Variants in LTB4R observed in about 807,000 individuals in gnomAD.
LTB4R encodes leukotriene B4 receptor.
For missense variants in LTB4R, 470 were observed against 485.6 expected (o/e 0.97, Z 0.30); for synonymous variants, 250 against 230.7 (o/e 1.08, Z -0.76).
chr14:24,316,385 C>T lies in LTB4R; in HGVS notation c.734C>T (p.Ala245Val), dbSNP rs1478353966. ...LPYHVVNLAE[A>V]GRALAGQAAG... ...TACCACGTGGTGAACCTGGCTGAGG[C>T]GGGCCGCGCGCTGGCCGGCCAGGCC... Residue 245 changes from alanine (A) to valine (V), a missense_variant, in exon 2 of 2, where the codon GCG (alanine) becomes GTG (valine). By Grantham distance (64) the Ala-to-Val change is moderately conservative. Coordinates refer to ENST00000345363, the MANE Select transcript of LTB4R (RefSeq NM_001143919.3). 1 of 1,587,884 alleles carries T rather than the reference C, an allele frequency of 6.3e-7. No homozygotes were observed. Among genetic ancestry groups the T allele is most frequent in the African/African-American group, 1.3e-5 (1 of 74,580 alleles).
chr14:24,316,131 C>T lies in LTB4R; in HGVS notation c.480C>T (p.Pro160=). The change falls in exon 2 of 2, where the codon CCC becomes CCT. Residue 160 remains proline (P), a synonymous_variant. Transcript: ENST00000345363. ...TPVLAYRTVV[P]WKTNMSLCFP... is the part of the protein sequence containing the mutation. ...TCCTCGCGTACCGCACAGTAGTGCC[C>T]TGGAAAACGAACATGAGCCTGTGCT... 6.2e-7 allele frequency: 1 copy of T among 1,613,880 alleles called. No individual in the cohort carries two copies. The highest frequency in any genetic ancestry group is 8.5e-7 in the Non-Finnish European group (1 of 1,180,044).
chr14:24,312,893 CGGTTTCCCAACAAACTGAGAT>C (rs1555314484), intron 1 of LTB4R, among the ~76,000 whole-genome samples: 16 of 152,256 alleles, frequency 1.1e-4, no homozygotes, highest in Admixed American at 6.5e-5. Context: ...CCAGCCCTGC[CGGTTTCCCAACAAACTGAGAT>C]GGTTGGCCGC....
At position 24,316,802 on chromosome 14, in the gene LTB4R, T is replaced by C; in HGVS notation, c.*92T>C. On this transcript the variant is annotated 3_prime_UTR_variant, in exon 2 of 2. Transcript: ENST00000345363. ...AGGAGGAGCAGGGGCGTGGAGGGCG[T>C]GGAGGGCGTGGGAGCGTGGGAGGCG... 1 of 1,078,902 alleles carries C rather than the reference T, an allele frequency of 9.3e-7. No individual in the cohort carries two copies. The highest frequency in any genetic ancestry group is 1.2e-6 in the Non-Finnish European group (1 of 800,930). 66.8% of individuals were successfully genotyped at this position (1,078,902 alleles called of 1,614,324 possible). A position where few individuals can be genotyped will look rare whatever the true frequency, so the allele number is the denominator to read the frequency against.
intron 1 of LTB4R, 63 bp downstream of exon 1, chr14:24,311,867 AT>A: frequency 1.1e-6 from 1 of 890,550 alleles, no homozygotes; most frequent in Non-Finnish European, 1.7e-6. Context: ...GCTGGGTAGG[AT>A]TACTATACAC....
At position 24,317,554 on chromosome 14, in the gene LTB4R, C is replaced by A. The variant is rs965458520; in HGVS notation, c.*844C>A. 5 of 167,028 alleles carry A rather than the reference C, an allele frequency of 3.0e-5. No homozygotes were observed. Among genetic ancestry groups the A allele is most frequent in the Non-Finnish European group, 7.3e-5 (5 of 68,104 alleles). The allele number at this position is 167,028 out of a possible 1,614,324, so 10.3% of individuals were successfully genotyped here. On this transcript the variant is annotated 3_prime_UTR_variant, in exon 2 of 2. Transcript: ENST00000345363. ...TAGAGATGACTGTTGTTTTAGAGAA[C>A]CTTGGTCCAACTCTGTTCTGACAAG...
At chr14:24,315,280 G>C (rs1301560537) in intron 1 of LTB4R, among the ~76,000 whole-genome samples, 8 of 152,154 alleles carry the variant, frequency 5.3e-5, no homozygotes, top group Admixed American at 2.0e-4. Context: ...AAAAAGACTG[G>C]CCTTTCAAGG....
chr14:24,315,989 T>C lies in LTB4R; in HGVS notation c.338T>C (p.Leu113Pro). The change falls in exon 2 of 2, where the codon CTA (leucine) becomes CCA (proline). Residue 113 changes from leucine (L) to proline (P), a missense_variant. Leu to Pro is a moderately conservative substitution (Grantham distance 98). Transcript: ENST00000345363. ...GTCCTGCTTATCACGGCCATGAGTC[T>C]AGACCGCTCACTGGCGGTGGCCCGC... ...ASVLLITAMS[L>P]DRSLAVARPF... 6.2e-7 allele frequency: 1 copy of C among 1,614,042 alleles called. No homozygotes were observed. Among genetic ancestry groups the C allele is most frequent in the Non-Finnish European group, 8.5e-7 (1 of 1,180,040 alleles).
At position 24,316,653 on chromosome 14, in the gene LTB4R, C is replaced by G. The variant is rs1320337602; in HGVS notation, c.1002C>G (p.Pro334=). Residue 334 remains proline (P), a synonymous_variant, in exon 2 of 2, where the codon CCC becomes CCG. Transcript: ENST00000345363. ...TARSGPAALE[P]GPSESLTASS... ...GGAGCGGCCCCGCCGCTCTGGAGCC[C>G]GGCCCTTCCGAGAGCCTCACTGCCT... The G allele has an allele frequency of 1.3e-6, 2 of 1,539,650 alleles. No homozygotes were observed. The highest frequency in any genetic ancestry group is 2.6e-5 in the East Asian group (1 of 38,826).
At position 24,316,478 on chromosome 14, in the gene LTB4R, T is replaced by A. The variant is rs961830871; in HGVS notation, c.827T>A (p.Leu276Gln). 6.4e-7 allele frequency: 1 copy of A among 1,559,218 alleles called. No individual in the cohort carries two copies. The highest frequency in any genetic ancestry group is 8.7e-7 in the Non-Finnish European group (1 of 1,154,686). The change falls in exon 2 of 2, where the codon CTG (leucine) becomes CAG (glutamine). Residue 276 changes from leucine (L) to glutamine (Q), a missense_variant. Transcript: ENST00000345363. ...AACGTGCTCATCGCACTCGCCTTCC[T>A]GAGCAGCAGCGTGAACCCCGTGCTG... ...ARNVLIALAF[L>Q]SSSVNPVLYA...
Position 24,317,200 on chromosome 14 carries a change from C to T in LTB4R, c.*490C>T, listed in dbSNP as rs2041784795. ...GAAGACCACCCATGTGGGCTTATCA[C>T]TCCAGGTTCTGTGACCCGGGACCTT... On this transcript the variant is annotated 3_prime_UTR_variant, in exon 2 of 2. Transcript: ENST00000345363. The T allele has an allele frequency of 5.9e-6, 1 of 168,124 alleles. No homozygotes were observed. The allele number at this position is 168,124 out of a possible 1,614,324, so 10.4% of individuals were successfully genotyped here.
chr14:24,313,149 G>A (rs933465142), intron 1 of LTB4R, among the ~76,000 whole-genome samples: 4 of 152,102 alleles, frequency 2.6e-5, no homozygotes, highest in African/African-American at 4.8e-5. Flanking sequence ...AGGTAGATGC[G>A]GGTGGGGAAC....
chr14:24,317,928 C>G lies in LTB4R; in HGVS notation c.*1218C>G, dbSNP rs766815522. 42 of 177,950 alleles carry G rather than the reference C, an allele frequency of 2.4e-4. No homozygotes were observed. Among genetic ancestry groups the G allele is most frequent in the Non-Finnish European group, 4.9e-4 (36 of 74,004 alleles). The allele number at this position is 177,950 out of a possible 1,614,324, so 11.0% of individuals were successfully genotyped here. A position where few individuals can be genotyped will look rare whatever the true frequency, so the allele number is the denominator to read the frequency against. On this transcript the variant is annotated 3_prime_UTR_variant, in exon 2 of 2. Coordinates refer to ENST00000345363, the MANE Select transcript of LTB4R (RefSeq NM_001143919.3). The stretch of plus-strand genomic sequence containing the variant: ...GAACAGCAGCTGAAACTGGGAGGGA[C>G]CTAACGGAGTATTTCCCAGTCCTCT...
Position 24,311,553 on chromosome 14 carries a change from C to T in LTB4R, c.-267C>T. 1 of 1,608,014 alleles carries T rather than the reference C, an allele frequency of 6.2e-7. No homozygotes were observed. The highest frequency in any genetic ancestry group is 1.3e-5 in the African/African-American group (1 of 75,080). ...CGTCTTCACCGCTGGAGATCTGCTG[C>T]CCCGGGCAGGTCCCCGTTTCCTCAC... is the stretch of plus-strand genomic sequence containing the variant. On this transcript the variant is annotated 5_prime_UTR_variant, in exon 1 of 2. Transcript: ENST00000345363.
At chr14:24,311,834 T>A (rs2041715160) in intron 1 of LTB4R, 30 bp downstream of exon 1, 1 of 1,178,674 alleles carries the variant, frequency 8.5e-7, no homozygotes, top group Admixed American at 2.9e-5. Context: ...TGGGGACCCT[T>A]CTTTGACTAG....
rs2041775815 is a variant in LTB4R, at chr14:24,316,551, C to G, written c.900C>G (p.Phe300Leu). Residue 300 changes from phenylalanine (F) to leucine (L), a missense_variant, in exon 2 of 2, where the codon TTC becomes TTG. Coordinates refer to ENST00000345363, the MANE Select transcript of LTB4R (RefSeq NM_001143919.3). ...TGCTGCGCTCGGCGGGCGTGGGCTT[C>G]GTCGCCAAGCTGCTGGAGGGCACGG... is the stretch of plus-strand genomic sequence containing the variant. The part of the protein sequence containing the change: ...GGLLRSAGVG[F>L]VAKLLEGTGS... 1 of 1,435,028 alleles carries G rather than the reference C, an allele frequency of 7.0e-7. No individual in the cohort carries two copies. The highest frequency in any genetic ancestry group is 9.1e-7 in the Non-Finnish European group (1 of 1,102,026). 88.9% of individuals were successfully genotyped at this position (1,435,028 alleles called of 1,614,324 possible).
chr14:24,315,708 G>A lies in LTB4R; in HGVS notation c.57G>A (p.Leu19=), dbSNP rs778232496. The A allele has an allele frequency of 1.5e-5, 25 of 1,614,026 alleles. No homozygotes were observed. Among genetic ancestry groups the A allele is most frequent in the East Asian group, 2.2e-5 (1 of 44,900 alleles). ...CACTAGGTGTAGAGTTCATCTCTCT[G>A]CTGGCTATCATCCTGCTGTCAGTGG... ...PPSLGVEFIS[L]LAIILLSVAL... The change falls in exon 2 of 2, where the codon CTG becomes CTA. Residue 19 remains leucine (L), a synonymous_variant. Coordinates refer to ENST00000345363, the MANE Select transcript of LTB4R (RefSeq NM_001143919.3).
chr14:24,314,353 C>T (rs1271137811), intron 1 of LTB4R: 1 of 152,058 alleles, frequency 6.6e-6, no homozygotes, highest in African/African-American at 2.4e-5. Context: ...GGAAGATGGC[C>T]CTCTTCCCAC....
Position 24,316,754 on chromosome 14 carries a change from C to A in LTB4R, c.*44C>A. On this transcript the variant is annotated 3_prime_UTR_variant, in exon 2 of 2. Coordinates refer to ENST00000345363, the MANE Select transcript of LTB4R (RefSeq NM_001143919.3). ...CACTTTCCTCCTGGCAGAATGCTAG[C>A]TCTGAGCCAGTTCAGTACCTGGAGG... 1 of 1,443,508 alleles carries A rather than the reference C, an allele frequency of 6.9e-7. No homozygotes were observed. The highest frequency in any genetic ancestry group is 1.4e-5 in the South Asian group (1 of 73,832). The allele number at this position is 1,443,508 out of a possible 1,614,324, so 89.4% of individuals were successfully genotyped here.
chr14:24,313,887 G>A (rs1277880023), intron 1 of LTB4R: 1 of 152,170 alleles, frequency 6.6e-6, no homozygotes, highest in Non-Finnish European at 1.5e-5. Context: ...CAACCTGCCA[G>A]GAATTTTTAG....
Sources: gnomAD v4.1 joint callset for allele counts (sites outside exome capture counted in the v4.1 genomes callset) on GRCh38, gnomAD v4.1.1 for gene constraint, MANE v1.5 for transcripts, NCBI Gene and HGNC (gene_info 2026-07-23, HGNC 2026-07-21) for gene names.